STXBP5: variants seen among roughly 807,000 people sequenced by gnomAD.
STXBP5 encodes the protein syntaxin binding protein 5.
STXBP5 carries 50 observed loss-of-function variants against 152.4 expected under a neutral mutation model. That is an observed-to-expected ratio of 0.33 (90% confidence interval 0.26 to 0.42). The LOEUF (loss-of-function observed/expected upper bound fraction) is 0.42, where lower values mean the gene tolerates loss of function less well. Ranked by LOEUF, STXBP5 falls within the 10% of genes least tolerant of loss-of-function variation. The probability of loss-of-function intolerance (pLI) is 1.00; values close to 1 mark genes in which losing one functional copy is unlikely to be tolerated. For synonymous variants in STXBP5, 492 were observed against 494.7 expected (o/e 0.99, Z 0.07); for missense variants, 1,167 against 1,388.6 (o/e 0.84, Z 2.54).
At chr6:147,222,634 G>T (rs566636617) in intron 2 of STXBP5, among the ~76,000 whole-genome samples, 2 of 152,274 alleles carry the variant, frequency 1.3e-5, no homozygotes, top group East Asian at 3.9e-4. Flanking sequence ...ACCCCAGCAG[G>T]TTAGGCTCTC....
chr6:147,213,143 G>T (rs1776945831), intron 2 of STXBP5, among the ~76,000 whole-genome samples: 1 of 152,094 alleles, frequency 6.6e-6, no homozygotes, highest in Non-Finnish European at 1.5e-5. Context: ...TAATTGCTGG[G>T]CATGTACATG....
At chr6:147,356,607 C>G (rs1018939607) in intron 22 of STXBP5, among the ~76,000 whole-genome samples, 2 of 151,774 alleles carry the variant, frequency 1.3e-5, no homozygotes, top group African/African-American at 4.8e-5. Flanking sequence ...TTTTTAGAAA[C>G]TACAGTTTAA....
intron 8 of STXBP5, among the ~76,000 whole-genome samples, chr6:147,290,495 T>G (rs1781225835): frequency 6.6e-6 from 1 of 152,192 alleles, no homozygotes; most frequent in South Asian, 2.1e-4. Flanking sequence ...TTTTTACTTT[T>G]CCATAGTTTC....
chr6:147,294,901 G>A lies in STXBP5; in HGVS notation c.917+3729G>A, dbSNP rs186388014. 3.7e-4 allele frequency among the ~76,000 whole-genome samples: 56 copies of A among 152,196 alleles called. No individual in the cohort carries two copies. The East Asian group carries it at 9.3e-3, about 25-fold the overall frequency. ...AGTAAAATGCACTTCTTCCTATGGG[G>A]CATTATTAAAATATTTGAAAGTCCC... On this transcript the variant is annotated intron_variant, in intron 9 of 27. Transcript: ENST00000321680.
At chr6:147,264,499 G>C (rs1041923737) in intron 6 of STXBP5, among the ~76,000 whole-genome samples, 1 of 152,100 alleles carries the variant, frequency 6.6e-6, no homozygotes, top group Non-Finnish European at 1.5e-5. Flanking sequence ...TGGCGGATCT[G>C]AGATTTGAAG....
intron 9 of STXBP5, among the ~76,000 whole-genome samples, chr6:147,304,784 T>C (rs1412226542): frequency 6.6e-6 from 1 of 152,140 alleles, no homozygotes; most frequent in Non-Finnish European, 1.5e-5. Flanking sequence ...GGAGATCATT[T>C]TGGAAATTTA....
intron 4 of STXBP5, among the ~76,000 whole-genome samples, chr6:147,246,578 A>T (rs1452978562): frequency 1.3e-5 from 2 of 152,172 alleles, no homozygotes; most frequent in African/African-American, 2.4e-5. Context: ...TTGATATTAA[A>T]GTTAATATAT....
intron 11 of STXBP5, among the ~76,000 whole-genome samples, 188 bp downstream of exon 11, chr6:147,311,715 A>C (rs1782386369): frequency 6.6e-6 from 1 of 152,114 alleles, no homozygotes; most frequent in Admixed American, 6.6e-5. Flanking sequence ...AATCTCATAA[A>C]ATTTTCATTT....
At chr6:147,378,629 C>A (rs746499073) in intron 26 of STXBP5, among the ~76,000 whole-genome samples, 14 of 151,654 alleles carry the variant, frequency 9.2e-5, no homozygotes, top group African/African-American at 2.9e-4. Flanking sequence ...TACTATAATA[C>A]GAAACAGAAA....
At chr6:147,306,986 C>T (rs1489776354) in intron 9 of STXBP5, among the ~76,000 whole-genome samples, 2 of 152,306 alleles carry the variant, frequency 1.3e-5, no homozygotes, top group Non-Finnish European at 2.9e-5. Flanking sequence ...GCTAAAAATA[C>T]TTCAGTGAAT....
At chr6:147,258,083 G>GCC (rs920323584) in intron 4 of STXBP5, among the ~76,000 whole-genome samples, 5 of 152,158 alleles carry the variant, frequency 3.3e-5, no homozygotes, top group African/African-American at 7.2e-5. Flanking sequence ...AAGAGACCAA[G>GCC]CCCCTCTTCC....
rs930470419 is a variant in STXBP5, at chr6:147,390,033, T to C, written c.*5278T>C. 1.3e-5 allele frequency: 2 copies of C among 152,000 alleles called. No individual in the cohort carries two copies. The highest frequency in any genetic ancestry group is 2.9e-5 in the Non-Finnish European group (2 of 67,916). The allele number at this position is 152,000 out of a possible 1,614,324, so 9.4% of individuals were successfully genotyped here. ...ACTTCAGGGGCAAGCATGCTTGGTA[T>C]AGAGCTCTAGCTTGTGTATACCTTA... On this transcript the variant is annotated 3_prime_UTR_variant, in exon 28 of 28. Coordinates refer to ENST00000321680, the MANE Select transcript of STXBP5 (RefSeq NM_001127715.4).
chr6:147,213,477 T>TGTGTGTGTGTGC lies in STXBP5; in HGVS notation c.248+7410_248+7411insTGTGTGTGTGCG. Among the ~76,000 whole-genome samples the TGTGTGTGTGTGC allele has an allele frequency of 2.0e-3, 258 of 131,284 alleles. 2 individuals are homozygous for TGTGTGTGTGTGC. The highest frequency in any genetic ancestry group is 7.2e-3 in the African/African-American group (226 of 31,326). 86.1% of individuals were successfully genotyped at this position (131,284 alleles called of 152,430 possible). A position where few individuals can be genotyped will look rare whatever the true frequency, so the allele number is the denominator to read the frequency against. On this transcript the variant is annotated intron_variant, in intron 2 of 27. Coordinates refer to ENST00000321680, the MANE Select transcript of STXBP5 (RefSeq NM_001127715.4). Reference sequence around the variant, plus strand: ...GTGTGTGTGTGTGTGTGTGTGTGTGTGCGCGCGCATATATATATTTTTTCT... The same window carrying TGTGTGTGTGTGC: ...GTGTGTGTGTGTGTGTGTGTGTGTGTGTGTGTGTGTGCGCGCGCGCATATATATATTTTTTCT...
chr6:147,366,440 A>C (rs925341537), intron 25 of STXBP5, among the ~76,000 whole-genome samples: 4 of 152,204 alleles, frequency 2.6e-5, no homozygotes, highest in Non-Finnish European at 4.4e-5. Flanking sequence ...AGAAGTCCAC[A>C]ATCAGTTTTA....
chr6:147,376,377 A>G (rs1157549002), intron 26 of STXBP5, among the ~76,000 whole-genome samples: 1 of 152,236 alleles, frequency 6.6e-6, no homozygotes, highest in Non-Finnish European at 1.5e-5. Context: ...ATTCCGAAAC[A>G]AAGCAAAAAG....
chr6:147,266,403 C>G (rs1321621059), intron 6 of STXBP5, among the ~76,000 whole-genome samples: 1 of 152,036 alleles, frequency 6.6e-6, no homozygotes, highest in Non-Finnish European at 1.5e-5. Context: ...ATCTTTGTGT[C>G]TTGAACCAGG....
chr6:147,309,990 A>G (rs2128369585), intron 9 of STXBP5, 94 bp from the exon 10 acceptor site: 1 of 888,364 alleles, frequency 1.1e-6, no homozygotes, highest in East Asian at 3.0e-5. Flanking sequence ...AGAATTTAAG[A>G]TTTTGTTATT....
At chr6:147,347,721 C>T (rs1784400317) in intron 21 of STXBP5, among the ~76,000 whole-genome samples, 2 of 152,054 alleles carry the variant, frequency 1.3e-5, no homozygotes, top group African/African-American at 4.8e-5. Flanking sequence ...GTGTATTTTC[C>T]TGTCCTTGGA....
At chr6:147,292,347 C>T (rs1781322186) in intron 9 of STXBP5, 23 of 411,648 alleles carry the variant, frequency 5.6e-5, no homozygotes, top group South Asian at 4.0e-4. Flanking sequence ...TTGACTCTTG[C>T]ATCCTTCATT....
Sources: allele counts gnomAD v4.1 joint callset (sites outside exome capture counted in the v4.1 genomes callset), GRCh38; gene constraint gnomAD v4.1.1; transcripts MANE v1.5; gene names NCBI Gene and HGNC (gene_info 2026-07-23, HGNC 2026-07-21).